Variants in STK38L observed in about 807,000 individuals in gnomAD.
STK38L encodes serine/threonine-protein kinase 38-like.
In STK38L, 28 loss-of-function variants were observed where a neutral mutation model predicts 59.7. The observed-to-expected ratio is 0.47, with a 90% confidence interval of 0.35 to 0.64. STK38L has a LOEUF of 0.64. STK38L is among the 30% of genes least tolerant of loss of function. The pLI is 0.01. For missense variants in STK38L, 314 were observed against 555.8 expected, an observed-to-expected ratio of 0.56 and a Z score of 4.37; for synonymous variants, 162 against 176.8, an observed-to-expected ratio of 0.92 and a Z score of 0.66.
rs145124460 is a variant in STK38L, at chr12:27,302,143, G to T, written c.141G>T (p.Lys47Asn). The change falls in exon 3 of 14, where the codon AAG becomes AAT. Residue 47 changes from lysine to asparagine, a missense_variant. By Grantham distance (94) the Lys-to-Asn change is moderately conservative. Around this residue, in one of 3 missense-constraint regions of STK38L, gnomAD observed 192 missense variants for 316.9 expected, o/e 0.61. Transcript: ENST00000389032. Reference sequence around the variant, plus strand: ...TTTTTTTTCCTTTGAAAAGGCAGAAGAAATTAGAAGTGGCCATGGAAGAAG... The same window carrying T: ...TTTTTTTTCCTTTGAAAAGGCAGAATAAATTAGAAGTGGCCATGGAAGAAG... ...LQHEERETRQ[K>N]KLEVAMEEEG... 1 of 1,603,854 alleles carries T rather than the reference G, an allele frequency of 6.2e-7. No homozygotes were observed. The highest frequency in any genetic ancestry group is 8.5e-7 in the Non-Finnish European group (1 of 1,175,458).
chr12:27,295,219 G>C (rs2136636962), intron 1 of STK38L, among the ~76,000 whole-genome samples: 1 of 152,282 alleles, frequency 6.6e-6, no homozygotes, highest in African/African-American at 2.4e-5. Context: ...ACAATACAAA[G>C]ATTAAACTAG....
intron 1 of STK38L, among the ~76,000 whole-genome samples, chr12:27,284,756 G>T (rs1028562696): frequency 6.6e-6 from 1 of 152,124 alleles, no homozygotes; most frequent in Non-Finnish European, 1.5e-5. Context: ...CAATAAAATG[G>T]TGTGGTCCTG....
intron 1 of STK38L, among the ~76,000 whole-genome samples, chr12:27,263,135 TTAG>T (rs1385539355): frequency 6.6e-6 from 1 of 152,156 alleles, no homozygotes; most frequent in Non-Finnish European, 1.5e-5. Flanking sequence ...CACCTTGTAT[TTAG>T]AAAAGTTAGA....
chr12:27,263,205 TA>T (rs1943238504), intron 1 of STK38L, among the ~76,000 whole-genome samples: 1 of 152,188 alleles, frequency 6.6e-6, no homozygotes, highest in Non-Finnish European at 1.5e-5. Context: ...AGTTCATAAA[TA>T]TGGGGCACTA....
At chr12:27,276,848 C>CT (rs1326239988) in intron 1 of STK38L, among the ~76,000 whole-genome samples, 2 of 152,138 alleles carry the variant, frequency 1.3e-5, no homozygotes, top group Admixed American at 6.5e-5. Flanking sequence ...CTCAGATTTT[C>CT]TTTAAGTGAC....
In STK38L at chr12:27,322,494, T is replaced by C. The variant is rs199933664; in HGVS notation, c.*39T>C. 8 of 1,598,434 alleles carry C rather than the reference T, an allele frequency of 5.0e-6. No individual in the cohort carries two copies. In the Admixed American group the frequency reaches 1.1e-4, roughly 21 times the overall value. On this transcript the variant is annotated 3_prime_UTR_variant, in exon 14 of 14. Transcript: ENST00000389032. ...TCACCCATAACCAAGAGAACTCAGG[T>C]AGCTGCATCACCAGGCTTGCTTGGC...
rs1442076625 is a variant in STK38L, at chr12:27,322,754, T to G, written c.*299T>G. 2 of 221,406 alleles carry G rather than the reference T, an allele frequency of 9.0e-6. No homozygotes were observed. Among genetic ancestry groups the G allele is most frequent in the Non-Finnish European group, 1.8e-5 (2 of 113,606 alleles). The allele number at this position is 221,406 out of a possible 1,614,324, so 13.7% of individuals were successfully genotyped here. On this transcript the variant is annotated 3_prime_UTR_variant, in exon 14 of 14. Transcript: ENST00000389032. ...TGCCTACATGCGTATTAAGGTCCATTCTGCCTGTGTGTGCTGTGGCTTTGA... is the reference window on the plus strand; with the variant it reads ...TGCCTACATGCGTATTAAGGTCCATGCTGCCTGTGTGTGCTGTGGCTTTGA...
At chr12:27,259,588 G>A (rs1943161739) in intron 1 of STK38L, among the ~76,000 whole-genome samples, 1 of 152,152 alleles carries the variant, frequency 6.6e-6, no homozygotes, top group African/African-American at 2.4e-5. Context: ...CTGTGAGGGG[G>A]TATTCAAGTG....
At chr12:27,314,401 CAAAAAAA>C (rs35096255) in intron 6 of STK38L, 96 bp from the exon 7 acceptor site, 5 of 677,430 alleles carry the variant, frequency 7.4e-6, no homozygotes, top group Admixed American at 5.7e-5. Context: ...ACTCTGTCTC[CAAAAAAA>C]AAAAAAAAAA....
At chr12:27,314,930 T>C in intron 7 of STK38L, 85 bp from the exon 8 acceptor site, 1 of 1,040,532 alleles carries the variant, frequency 9.6e-7, no homozygotes, top group Non-Finnish European at 1.4e-6. Flanking sequence ...ATTTTTATTA[T>C]AATTGCCATT....
chr12:27,267,759 C>T (rs1259042904), intron 1 of STK38L, among the ~76,000 whole-genome samples: 1 of 151,850 alleles, frequency 6.6e-6, no homozygotes, highest in South Asian at 2.1e-4. Flanking sequence ...TATTCACAGC[C>T]TTTTAGGTTT....
intron 1 of STK38L, among the ~76,000 whole-genome samples, chr12:27,279,777 A>G (rs1214840483): frequency 6.6e-6 from 1 of 150,438 alleles, no homozygotes; most frequent in Non-Finnish European, 1.5e-5. Context: ...CACGGTTTAT[A>G]ATGAAAGAGA....
chr12:27,255,008 A>G lies in STK38L; in HGVS notation c.-12+10676A>G, dbSNP rs1398392192. ...TTCTGGATTTAATTTTTAAAATTGT[A>G]TATGGACCAGTGTCTCTTTATTTTT... On this transcript the variant is annotated intron_variant, in intron 1 of 13. Transcript: ENST00000389032. Among the ~76,000 whole-genome samples the G allele has an allele frequency of 2.0e-5, 3 of 152,262 alleles. No individual in the cohort carries two copies. In the East Asian group the frequency reaches 5.8e-4, roughly 29 times the overall value.
Position 27,306,637 on chromosome 12 carries a change from C to T in STK38L, c.187-1702C>T, listed in dbSNP as rs534529887. 8.0e-5 allele frequency among the ~76,000 whole-genome samples: 12 copies of T among 150,238 alleles called. No individual in the cohort carries two copies. In the East Asian group the frequency reaches 1.2e-3, roughly 15 times the overall value. On this transcript the variant is annotated intron_variant, in intron 3 of 13. Coordinates refer to ENST00000389032, the MANE Select transcript of STK38L (RefSeq NM_015000.4). ...AATTATATCAATGTAATTTTAGCTC[C>T]GTTAAAACTGATATTTAAGTAGCTT...
At chr12:27,321,124 T>C (rs1465171060) in intron 12 of STK38L, among the ~76,000 whole-genome samples, 1 of 152,172 alleles carries the variant, frequency 6.6e-6, no homozygotes, top group African/African-American at 2.4e-5. Flanking sequence ...GGTTCTTTCC[T>C]CTAAACTAGG....
chr12:27,264,986 T>G (rs1471908679), intron 1 of STK38L, among the ~76,000 whole-genome samples: 6 of 152,182 alleles, frequency 3.9e-5, no homozygotes, highest in Non-Finnish European at 2.9e-5. Context: ...GAGCTCTCTG[T>G]GAGTTCCAAG....
At chr12:27,313,239 A>G (rs1260368646) in intron 6 of STK38L, among the ~76,000 whole-genome samples, 2 of 125,278 alleles carry the variant, frequency 1.6e-5, no homozygotes, top group African/African-American at 6.1e-5. Context: ...AAACAGCGAG[A>G]CTACGTCTCA....
chr12:27,287,951 T>G (rs982679632), intron 1 of STK38L, among the ~76,000 whole-genome samples: 14 of 152,212 alleles, frequency 9.2e-5, no homozygotes, highest in African/African-American at 3.4e-4. Flanking sequence ...GGTGCGATCT[T>G]GGCTCACTGC....
intron 1 of STK38L, among the ~76,000 whole-genome samples, chr12:27,255,135 C>T (rs910093112): frequency 6.6e-6 from 1 of 152,036 alleles, no homozygotes; most frequent in Non-Finnish European, 1.5e-5. Flanking sequence ...GATCTAAATC[C>T]ATAGATTAGC....
Sources: allele counts gnomAD v4.1 joint callset (sites outside exome capture counted in the v4.1 genomes callset), GRCh38; gene constraint gnomAD v4.1.1; regional missense constraint gnomAD v4.1.1; transcripts MANE v1.5; gene names NCBI Gene and HGNC (gene_info 2026-07-23, HGNC 2026-07-21).